Variants in MAPRE3 observed in about 807,000 individuals in gnomAD.
MAPRE3 encodes the protein microtubule-associated protein RP/EB family member 3.
Under a neutral mutation model 30.5 loss-of-function variants are expected in MAPRE3, and 2 were observed. The observed-to-expected ratio is 0.07, with a 90% CI of 0.03 to 0.21. The LOEUF (loss-of-function observed/expected upper bound fraction) is 0.21, where lower values mean the gene tolerates loss of function less well. Ranked by LOEUF, MAPRE3 falls within the 10% of genes least tolerant of loss-of-function variation. The pLI is 1.00. For missense variants in MAPRE3, 204 were observed against 351.8 expected (o/e 0.58, Z 3.36); for synonymous variants, 110 against 127.7 (o/e 0.86, Z 0.93).
At chr2:27,025,460 G>C in intron 4 of MAPRE3, 123 bp from the exon 5 acceptor site, 1 of 970,476 alleles carries the variant, frequency 1.0e-6, no homozygotes, top group Non-Finnish European at 1.5e-6. Context: ...TGGGGTGGGG[G>C]CAGGGGGGTG....
intron 1 of MAPRE3, among the ~76,000 whole-genome samples, chr2:26,989,266 A>G (rs912276038): frequency 6.6e-6 from 1 of 152,178 alleles, no homozygotes; most frequent in Non-Finnish European, 1.5e-5. Flanking sequence ...CTAGGCTCCA[A>G]AGCCCTAGGC....
intron 1 of MAPRE3, among the ~76,000 whole-genome samples, chr2:27,011,325 T>C (rs1396546748): frequency 2.0e-5 from 3 of 152,240 alleles, no homozygotes; most frequent in African/African-American, 7.2e-5. Flanking sequence ...CTTTTTCATG[T>C]GCCTGGAACA....
chr2:26,973,729 G>A (rs1483110016), intron 1 of MAPRE3, among the ~76,000 whole-genome samples: 3 of 151,618 alleles, frequency 2.0e-5, no homozygotes, highest in Non-Finnish European at 4.4e-5. Context: ...CTAATTTTTT[G>A]TATTTTTAGT....
chr2:27,003,845 C>T (rs889321199), intron 1 of MAPRE3, among the ~76,000 whole-genome samples: 9 of 152,206 alleles, frequency 5.9e-5, no homozygotes, highest in Non-Finnish European at 1.0e-4. Flanking sequence ...TAAAACTCCC[C>T]GGCTGTCAAA....
intron 1 of MAPRE3, among the ~76,000 whole-genome samples, chr2:26,979,933 G>A (rs1032466578): frequency 5.3e-5 from 8 of 152,264 alleles, no homozygotes; most frequent in East Asian, 1.9e-4. Flanking sequence ...TCATAGAACC[G>A]GAAGCTGAGG....
At chr2:26,998,445 CCT>C (rs1236808538) in intron 1 of MAPRE3, among the ~76,000 whole-genome samples, 1 of 152,206 alleles carries the variant, frequency 6.6e-6, no homozygotes, top group Admixed American at 6.5e-5. Context: ...TTATCACTTT[CCT>C]CATTCTAGAA....
chr2:27,018,132 C>T (rs1667027431), intron 1 of MAPRE3, among the ~76,000 whole-genome samples: 1 of 152,218 alleles, frequency 6.6e-6, no homozygotes, highest in African/African-American at 2.4e-5. Context: ...ACACTTTAAG[C>T]AGAACAAAGT....
chr2:27,006,205 CAAAAAA>C (rs534627886), intron 1 of MAPRE3, among the ~76,000 whole-genome samples: 64 of 148,592 alleles, frequency 4.3e-4, no homozygotes, highest in South Asian at 1.9e-3. Context: ...AAAACAAAAA[CAAAAAA>C]AAAACAAGTG....
intron 1 of MAPRE3, chr2:27,013,751 G>A (rs1666915000): frequency 6.6e-6 from 1 of 152,258 alleles, no homozygotes; most frequent in African/African-American, 2.4e-5. Context: ...TCAGGACCCT[G>A]ATCAGAGGGT....
intron 1 of MAPRE3, among the ~76,000 whole-genome samples, chr2:27,000,522 A>C (rs1390984632): frequency 6.6e-6 from 1 of 152,254 alleles, no homozygotes; most frequent in Non-Finnish European, 1.5e-5. Context: ...TGAAGAAGAA[A>C]GAGTTACAAG....
chr2:26,984,060 C>T (rs1666169312), intron 1 of MAPRE3, among the ~76,000 whole-genome samples: 1 of 152,164 alleles, frequency 6.6e-6, no homozygotes. Context: ...CTTGTCTCAC[C>T]CTCACCCTAA....
intron 1 of MAPRE3, among the ~76,000 whole-genome samples, chr2:27,009,994 G>A (rs1280234462): frequency 6.6e-6 from 1 of 152,240 alleles, no homozygotes; most frequent in African/African-American, 2.4e-5. Context: ...TATAGGTCCT[G>A]TGCTGGCACA....
chr2:27,007,426 C>T (rs1016897474), intron 1 of MAPRE3, among the ~76,000 whole-genome samples: 1 of 152,196 alleles, frequency 6.6e-6, no homozygotes, highest in Admixed American at 6.5e-5. Flanking sequence ...TTTTGAATGG[C>T]CTGTGGTCTG....
Position 27,023,357 on chromosome 2 carries a change from C to T in MAPRE3, c.147C>T (p.Asp49=). 6.2e-7 allele frequency: 1 copy of T among 1,608,112 alleles called. No individual in the cohort carries two copies. The change falls in exon 3 of 7, where the codon GAC becomes GAT. Residue 49 remains aspartate, a synonymous_variant. Transcript: ENST00000233121. ...GGGCAGCCTACTGCCAGTTCATGGA[C>T]ATGCTCTTCCCCGGCTGTGTGCACT... is the stretch of plus-strand genomic sequence containing the variant. ...CSGAAYCQFM[D]MLFPGCVHLR...
intron 1 of MAPRE3, among the ~76,000 whole-genome samples, chr2:26,979,252 A>G (rs7585410): frequency 0.57 from 86,844 of 152,048 alleles, 25,304 homozygotes; most frequent in East Asian, 0.76. Flanking sequence ...TTCCAAAAGG[A>G]TGCTGAGAGG....
chr2:26,973,705 G>A (rs1447009130), intron 1 of MAPRE3, among the ~76,000 whole-genome samples: 4 of 152,098 alleles, frequency 2.6e-5, no homozygotes, highest in South Asian at 4.2e-4. Flanking sequence ...ACAGGCGCCC[G>A]CCACCGCGCC....
chr2:26,994,821 CTTCTTTT>C (rs1396806777), intron 1 of MAPRE3, among the ~76,000 whole-genome samples: 1 of 95,686 alleles, frequency 1.0e-5, no homozygotes, highest in Non-Finnish European at 2.3e-5. Flanking sequence ...TCTTCTTCTT[CTTCTTTT>C]TTTTTTTTTT....
intron 1 of MAPRE3, among the ~76,000 whole-genome samples, chr2:27,004,178 C>T (rs140990452): frequency 1.6e-4 from 25 of 152,224 alleles, no homozygotes; most frequent in Middle Eastern, 3.4e-3. Flanking sequence ...CCTGGGAGGT[C>T]GTGAGAGGCA....
rs1666221530 is a variant in MAPRE3, at chr2:26,986,452, G to C, written c.-8+15650G>C. The stretch of plus-strand genomic sequence containing the variant: ...TTAGATGCTACTCCCTGAATCTTGA[G>C]AAAAGCAGTATCAAAGGAAACACTT... On this transcript the variant is annotated intron_variant, in intron 1 of 6. Transcript: ENST00000233121. This position sits in a 1 kb window ranked among gnomAD's most constrained non-coding sequence, Gnocchi z 4.2. 2.0e-5 allele frequency: 3 copies of C among 152,302 alleles called. No homozygotes were observed. The South Asian group carries it at 6.2e-4, about 32-fold the overall frequency. 9.4% of individuals were successfully genotyped at this position (152,302 alleles called of 1,614,324 possible). A position where few individuals can be genotyped will look rare whatever the true frequency, so the allele number is the denominator to read the frequency against.
Sources: gnomAD v4.1 joint callset for allele counts (sites outside exome capture counted in the v4.1 genomes callset) on GRCh38, gnomAD v4.1.1 for gene constraint, Gnocchi (gnomAD v3.1) non-coding constraint, MANE v1.5 for transcripts, NCBI Gene and HGNC (gene_info 2026-07-23, HGNC 2026-07-21) for gene names.